Variants in HOXA3 observed in about 807,000 individuals in gnomAD.
HOXA3 encodes the protein homeobox protein Hox-A3.
HOXA3 carries 8 observed loss-of-function variants against 30.3 expected under a neutral mutation model. The observed-to-expected ratio is 0.26, with a 90% CI of 0.15 to 0.48. The LOEUF is 0.48. Among genes scored for constraint, HOXA3 ranks in the 20% least tolerant of loss-of-function variants. The probability of loss-of-function intolerance (pLI) is 0.99; values close to 1 mark genes in which losing one functional copy is unlikely to be tolerated. For synonymous variants in HOXA3, 323 were observed against 273.1 expected (o/e 1.18, Z -1.80); for missense variants, 653 against 614.4 (o/e 1.06, Z -0.66).
At chr7:27,109,930 C>G in intron 5 of HOXA3, 185 bp downstream of exon 5, 1 of 670,266 alleles carries the variant, frequency 1.5e-6, no homozygotes, top group East Asian at 2.7e-5. Flanking sequence ...TGTTTTCCAG[C>G]CTACAGAGGC....
chr7:27,112,044 T>C (rs1660063112), intron 4 of HOXA3, among the ~76,000 whole-genome samples: 1 of 152,208 alleles, frequency 6.6e-6, no homozygotes, highest in Non-Finnish European at 1.5e-5. Flanking sequence ...TAAAAAGCAG[T>C]TGAAAACCTC....
At position 27,110,378 on chromosome 7, in the gene HOXA3, G is replaced by T. The variant is rs1038708524; in HGVS notation, c.263C>A (p.Pro88Gln). The change falls in exon 5 of 6, where the codon CCG (proline) becomes CAG (glutamine). Residue 88 changes from proline (P) to glutamine (Q), a missense_variant. By Grantham distance (76) the Pro-to-Gln change is moderately conservative. Transcript: ENST00000612286. ...PPSQPPSLGE[P>Q]PLHPPPPQAA... ...CTGGGGCGGCGGCGGGTGCAGGGGC[G>T]GCTCTCCCAGGCTTGGAGGCTGGCT... 4.0e-6 allele frequency: 6 copies of T among 1,516,986 alleles called. No individual in the cohort carries two copies. In the Admixed American group the frequency reaches 1.0e-4, roughly 26 times the overall value. The allele number at this position is 1,516,986 out of a possible 1,614,324, so 94.0% of individuals were successfully genotyped here.
At chr7:27,114,037 G>C (rs1489972647) in intron 4 of HOXA3, 4 of 151,874 alleles carry the variant, frequency 2.6e-5, no homozygotes, top group Non-Finnish European at 2.9e-5. Flanking sequence ...CGTCTGGTCC[G>C]GGGGTGCGGT....
At chr7:27,111,485 C>CGTGTGTGTGTGTGTGTGT (rs61655486) in intron 4 of HOXA3, among the ~76,000 whole-genome samples, 1,987 of 148,834 alleles carry the variant, frequency 0.013, 30 homozygotes, top group Admixed American at 0.028. Flanking sequence ...GAACACATTG[C>CGTGTGTGTGTGTGTGTGT]GTGTGTGTGT....
chr7:27,130,431 G>A, intron 2 of HOXA3: 1 of 1,191,704 alleles, frequency 8.4e-7, no homozygotes, highest in Non-Finnish European at 1.0e-6. Flanking sequence ...GGTAGCCATA[G>A]GGGTAGGCGG....
intron 4 of HOXA3, among the ~76,000 whole-genome samples, chr7:27,120,697 C>T (rs765286821): frequency 2.0e-5 from 3 of 152,126 alleles, no homozygotes; most frequent in Non-Finnish European, 4.4e-5. Context: ...TGCTGTTTAA[C>T]AATTAACATT....
chr7:27,130,460 C>T (rs1460926425), intron 2 of HOXA3: 2 of 1,230,928 alleles, frequency 1.6e-6, no homozygotes, highest in East Asian at 7.0e-5. Context: ...GCCCCATGCG[C>T]GGGGTACAGC....
chr7:27,134,107 A>G (rs1045032188), intron 2 of HOXA3: 1 of 152,206 alleles, frequency 6.6e-6, no homozygotes, highest in Non-Finnish European at 1.5e-5. Flanking sequence ...ACTGTTCTCT[A>G]TCTGATGCAT....
At chr7:27,152,253 C>A in intron 1 of HOXA3, 35 bp downstream of exon 1, 1 of 1,251,846 alleles carries the variant, frequency 8.0e-7, no homozygotes, top group Non-Finnish European at 1.0e-6. Context: ...GTCGCCTCAC[C>A]ACCTTTGCTC....
At chr7:27,112,426 A>T (rs1311498808) in intron 4 of HOXA3, among the ~76,000 whole-genome samples, 1 of 152,230 alleles carries the variant, frequency 6.6e-6, no homozygotes, top group Non-Finnish European at 1.5e-5. Flanking sequence ...TAAGCCAACA[A>T]TCTTACCAAC....
At chr7:27,110,818 A>C in intron 4 of HOXA3, 58 bp from the exon 5 acceptor site, 8 of 828,352 alleles carry the variant, frequency 9.7e-6, no homozygotes, top group Non-Finnish European at 1.5e-5. Flanking sequence ...TCTTACTCTC[A>C]ATAGCTAAGT....
intron 1 of HOXA3, among the ~76,000 whole-genome samples, chr7:27,149,492 G>GA (rs1782895081): frequency 6.6e-6 from 1 of 152,322 alleles, no homozygotes; most frequent in African/African-American, 2.4e-5. Flanking sequence ...CCCACAAAGG[G>GA]AAAAAATTGG....
chr7:27,119,136 C>T (rs901246262), intron 4 of HOXA3, among the ~76,000 whole-genome samples: 3 of 149,110 alleles, frequency 2.0e-5, no homozygotes, highest in East Asian at 4.0e-4. Flanking sequence ...GATCTAATTG[C>T]TCTGCAAGAG....
At chr7:27,134,175 GA>G (rs1281592630) in intron 2 of HOXA3, 1 of 152,212 alleles carries the variant, frequency 6.6e-6, no homozygotes, top group Non-Finnish European at 1.5e-5. Flanking sequence ...GGTGGCATTT[GA>G]AGGCTTCCCC....
At chr7:27,129,845 G>A (rs911890201) in intron 2 of HOXA3, 3 of 607,338 alleles carry the variant, frequency 4.9e-6, no homozygotes, top group East Asian at 2.8e-5. Flanking sequence ...CCTCTGCCAG[G>A]GCAATTAAAT....
At chr7:27,114,205 C>G (rs993386234) in intron 4 of HOXA3, among the ~76,000 whole-genome samples, 2 of 151,928 alleles carry the variant, frequency 1.3e-5, no homozygotes, top group Non-Finnish European at 2.9e-5. Context: ...CCAACGCCCT[C>G]CCTCTCCTGC....
chr7:27,138,895 A>G (rs947388893), intron 2 of HOXA3, among the ~76,000 whole-genome samples: 1 of 152,230 alleles, frequency 6.6e-6, no homozygotes, highest in Non-Finnish European at 1.5e-5. Flanking sequence ...ATGTGTCAGG[A>G]AAAACAACCT....
intron 2 of HOXA3, chr7:27,130,863 C>G: frequency 1.1e-6 from 1 of 892,586 alleles, no homozygotes; most frequent in Non-Finnish European, 1.8e-6. Context: ...CCCCCGCTGT[C>G]AAGTGCCCAC....
rs201202337 is a variant in HOXA3, at chr7:27,108,698, C to T, written c.549G>A (p.Lys183=). ...SSSGESCAGD[K]SPPGQASSKR... ...TGGACGAAGCCTGCCCCGGCGGGCT[C>T]TTGTCGCCAGCGCAGCTTTCGCCTG... The change falls in exon 6 of 6, where the codon AAG becomes AAA. Residue 183 remains lysine (K), a synonymous_variant. Coordinates refer to ENST00000612286, the MANE Select transcript of HOXA3 (RefSeq NM_153631.3). This position sits in a 1 kb window ranked among gnomAD's most constrained non-coding sequence, Gnocchi z 5.0. 4 of 1,604,566 alleles carry T rather than the reference C, an allele frequency of 2.5e-6. No individual in the cohort carries two copies. The highest frequency in any genetic ancestry group is 1.3e-5 in the African/African-American group (1 of 74,690).
Sources: gnomAD v4.1 joint callset for allele counts (sites outside exome capture counted in the v4.1 genomes callset) on GRCh38, gnomAD v4.1.1 for gene constraint, Gnocchi (gnomAD v3.1) non-coding constraint, MANE v1.5 for transcripts, NCBI Gene and HGNC (gene_info 2026-07-23, HGNC 2026-07-21) for gene names.